DERA: variants seen among roughly 807,000 people sequenced by gnomAD.
DERA encodes 2-deoxy-D-ribose 5-phosphate aldolase.
In DERA, 15 loss-of-function variants were observed where a neutral mutation model predicts 41.1. The ratio of observed to expected loss-of-function variants is 0.37; its 90% confidence interval spans 0.24 to 0.56. The LOEUF is 0.56. Among genes scored for constraint, DERA ranks in the 20% least tolerant of loss-of-function variants. The probability of loss-of-function intolerance (pLI) is 0.81; values close to 1 mark genes in which losing one functional copy is unlikely to be tolerated. For synonymous variants in DERA, 139 were observed against 137.4 expected, an observed-to-expected ratio of 1.01 and a Z score of -0.08; for missense variants, 396 against 403.4, an observed-to-expected ratio of 0.98 and a Z score of 0.16.
intron 2 of DERA, 69 bp from the exon 3 acceptor site, chr12:15,958,119 C>T (rs1565595714): frequency 6.0e-6 from 8 of 1,336,142 alleles, no homozygotes; most frequent in Non-Finnish European, 6.1e-6. Context: ...CTACTAACCA[C>T]CTGGGTTGGA....
intron 5 of DERA, among the ~76,000 whole-genome samples, chr12:15,963,241 T>C (rs1948600467): frequency 6.6e-6 from 1 of 152,174 alleles, no homozygotes; most frequent in Admixed American, 6.5e-5. Flanking sequence ...AACATGCTTT[T>C]TCTTCAGAAG....
Position 15,941,309 on chromosome 12 carries a change from C to G in DERA, c.32-15627C>G, listed in dbSNP as rs1382665325. On this transcript the variant is annotated intron_variant, in intron 1 of 8. Transcript: ENST00000428559. The surrounding 1 kb of genome is among the most constrained non-coding windows in gnomAD (Gnocchi z 4.5). ...ATAGCAAATGGGTATAACAGAGACA[C>G]AACAGTGTTGAATACTTCTCCTACT... 6.6e-6 allele frequency among the ~76,000 whole-genome samples: 1 copy of G among 152,076 alleles called. No homozygotes were observed. The highest frequency in any genetic ancestry group is 6.6e-5 in the Admixed American group (1 of 15,258).
At chr12:15,942,860 T>C (rs1348634933) in intron 1 of DERA, among the ~76,000 whole-genome samples, 1 of 152,198 alleles carries the variant, frequency 6.6e-6, no homozygotes, top group Admixed American at 6.5e-5. Flanking sequence ...TTTTCAACTT[T>C]GTTAAGAAAT....
At position 16,000,947 on chromosome 12, in the gene DERA, G is replaced by C. The variant is rs1261586919; in HGVS notation, c.637+18511G>C. 6.6e-6 allele frequency among the ~76,000 whole-genome samples: 1 copy of C among 152,076 alleles called. No homozygotes were observed. Among genetic ancestry groups the C allele is most frequent in the Non-Finnish European group, 1.5e-5 (1 of 68,020 alleles). ...CTGCATTCTTGTTTTACAGTATTCA[G>C]TATTACAATGCCATTCAAAAATATA... On this transcript the variant is annotated intron_variant, in intron 6 of 8. Transcript: ENST00000428559. The surrounding 1 kb of genome is among the most constrained non-coding windows in gnomAD (Gnocchi z 4.8).
rs1469060896 is a variant in DERA, at chr12:16,012,662, AAATT to A, written c.638-19879_638-19876del. Among the ~76,000 whole-genome samples, 6 of 152,308 alleles carry A rather than the reference AAATT, an allele frequency of 3.9e-5. No individual in the cohort carries two copies. The highest frequency in any genetic ancestry group is 6.5e-5 in the Admixed American group (1 of 15,302). On this transcript the variant is annotated intron_variant, in intron 6 of 8. Transcript: ENST00000428559. This position sits in a 1 kb window ranked among gnomAD's most constrained non-coding sequence, Gnocchi z 4.1. ...GCAGAATTAAGCCTTTTTTCTCAAT[AAATT>A]TTAAACCAACATTTTAAAGATATTG...
intron 5 of DERA, among the ~76,000 whole-genome samples, chr12:15,973,536 A>G (rs1948678120): frequency 6.8e-6 from 1 of 146,960 alleles, no homozygotes; most frequent in Admixed American, 6.9e-5. Flanking sequence ...TAAGCAGAAA[A>G]AATAGTAAGG....
chr12:16,015,921 C>T (rs1331340704), intron 6 of DERA, among the ~76,000 whole-genome samples: 1 of 152,130 alleles, frequency 6.6e-6, no homozygotes, highest in Non-Finnish European at 1.5e-5. Flanking sequence ...AACTCACTTG[C>T]TGTGTTCCTT....
Position 15,981,046 on chromosome 12 carries a change from T to C in DERA, c.509-1262T>C, listed in dbSNP as rs1472129277. Reference sequence around the variant, plus strand: ...CCTCCTGCTTGGTTTACTCTGTATGTTTATAAAACTACTTCCTATGGGCCG... The same window carrying C: ...CCTCCTGCTTGGTTTACTCTGTATGCTTATAAAACTACTTCCTATGGGCCG... On this transcript the variant is annotated intron_variant, in intron 5 of 8. Coordinates refer to ENST00000428559, the MANE Select transcript of DERA (RefSeq NM_015954.4). This position sits in a 1 kb window ranked among gnomAD's most constrained non-coding sequence, Gnocchi z 6.1. 6.6e-6 allele frequency among the ~76,000 whole-genome samples: 1 copy of C among 152,106 alleles called. No individual in the cohort carries two copies. The highest frequency in any genetic ancestry group is 1.5e-5 in the Non-Finnish European group (1 of 68,006).
At chr12:15,923,581 T>C (rs1298655467) in intron 1 of DERA, among the ~76,000 whole-genome samples, 2 of 152,228 alleles carry the variant, frequency 1.3e-5, no homozygotes, top group Non-Finnish European at 2.9e-5. Context: ...ATTTTCTCTT[T>C]CTCTAGATCT....
Position 15,954,458 on chromosome 12 carries a change from C to T in DERA, c.32-2478C>T, listed in dbSNP as rs1948522495. 6.6e-6 allele frequency among the ~76,000 whole-genome samples: 1 copy of T among 152,094 alleles called. No individual in the cohort carries two copies. The highest frequency in any genetic ancestry group is 2.4e-5 in the African/African-American group (1 of 41,434). On this transcript the variant is annotated intron_variant, in intron 1 of 8. Coordinates refer to ENST00000428559, the MANE Select transcript of DERA (RefSeq NM_015954.4). The surrounding 1 kb of genome is among the most constrained non-coding windows in gnomAD (Gnocchi z 4.0). ...CAACCTGTGAGGTTCAGGGAAGGCT[C>T]CCAGAGAAGGTGACATTTGAATCGA...
intron 4 of DERA, among the ~76,000 whole-genome samples, chr12:15,962,432 A>G (rs1377948586): frequency 6.6e-6 from 1 of 152,216 alleles, no homozygotes; most frequent in African/African-American, 2.4e-5. Context: ...TGGACCCAGA[A>G]CTAGTGTGCT....
Position 15,918,473 on chromosome 12 carries a change from G to A in DERA, c.31+7059G>A, listed in dbSNP as rs1167684409. 1.3e-5 allele frequency among the ~76,000 whole-genome samples: 2 copies of A among 152,124 alleles called. No homozygotes were observed. Among genetic ancestry groups the A allele is most frequent in the Non-Finnish European group, 2.9e-5 (2 of 68,022 alleles). ...ATTTCAACCCGGCTTGAATGACTAC[G>A]TTGTTCACCTCCTCTTCAGTGCCCC... is the stretch of plus-strand genomic sequence containing the variant. On this transcript the variant is annotated intron_variant, in intron 1 of 8. Coordinates refer to ENST00000428559, the MANE Select transcript of DERA (RefSeq NM_015954.4). The surrounding 1 kb of genome is among the most constrained non-coding windows in gnomAD (Gnocchi z 4.3).
Position 15,996,986 on chromosome 12 carries a change from A to G in DERA, c.637+14550A>G, listed in dbSNP as rs1310942079. 1.3e-5 allele frequency among the ~76,000 whole-genome samples: 2 copies of G among 152,242 alleles called. No individual in the cohort carries two copies. Among genetic ancestry groups the G allele is most frequent in the African/African-American group, 4.8e-5 (2 of 41,482 alleles). ...AGATAAATTTGCTTATGAGCAAGAGACAGATACTAACAGTAGAAGGAAATA... is the reference window on the plus strand; with the variant it reads ...AGATAAATTTGCTTATGAGCAAGAGGCAGATACTAACAGTAGAAGGAAATA... On this transcript the variant is annotated intron_variant, in intron 6 of 8. Coordinates refer to ENST00000428559, the MANE Select transcript of DERA (RefSeq NM_015954.4). The surrounding 1 kb of genome is among the most constrained non-coding windows in gnomAD (Gnocchi z 4.7).
Position 16,004,754 on chromosome 12 carries a change from A to G in DERA, c.637+22318A>G, listed in dbSNP as rs1948898698. On this transcript the variant is annotated intron_variant, in intron 6 of 8. Transcript: ENST00000428559. This position sits in a 1 kb window ranked among gnomAD's most constrained non-coding sequence, Gnocchi z 4.2. ...AACCAAGGTGGATTATGTTTATTAA[A>G]TGTTTTTAAAAATTTAAAAAAATCC... is the stretch of plus-strand genomic sequence containing the variant. 6.6e-6 allele frequency among the ~76,000 whole-genome samples: 1 copy of G among 152,204 alleles called. No individual in the cohort carries two copies. Among genetic ancestry groups the G allele is most frequent in the East Asian group, 1.9e-4 (1 of 5,194 alleles).
chr12:15,958,185 C>G lies in DERA; in HGVS notation c.130-3C>G. 6.5e-7 allele frequency: 1 copy of G among 1,542,874 alleles called. No homozygotes were observed. Among genetic ancestry groups the G allele is most frequent in the Non-Finnish European group, 8.7e-7 (1 of 1,147,056 alleles). On this transcript the variant is annotated splice_polypyrimidine_tract_variant and splice_region_variant and intron_variant, in intron 2 of 8. Transcript: ENST00000428559. ...ACTTTGTTTTCACTTTTGTTTAAAC[C>G]AGGCTGCTTGGCTCCTGAAAGCTGT...
intron 1 of DERA, among the ~76,000 whole-genome samples, chr12:15,953,603 A>G (rs1948515273): frequency 6.6e-6 from 1 of 152,146 alleles, no homozygotes. Flanking sequence ...TTGCCTTCCA[A>G]TTATGGTTTC....
chr12:16,035,152 G>A lies in DERA; in HGVS notation c.751-1080G>A, dbSNP rs1487477718. On this transcript the variant is annotated intron_variant, in intron 7 of 8. Coordinates refer to ENST00000428559, the MANE Select transcript of DERA (RefSeq NM_015954.4). The surrounding 1 kb of genome is among the most constrained non-coding windows in gnomAD (Gnocchi z 4.1). ...CAGTGGAAAGAGTGCATGTGAGGGG[G>A]TAAGGAAGGTAAGGAGGTAGAATTG... is the stretch of plus-strand genomic sequence containing the variant. Among the ~76,000 whole-genome samples, 1 of 152,204 alleles carries A rather than the reference G, an allele frequency of 6.6e-6. No homozygotes were observed. The highest frequency in any genetic ancestry group is 1.5e-5 in the Non-Finnish European group (1 of 68,044).
At chr12:15,930,816 T>A (rs1948322130) in intron 1 of DERA, among the ~76,000 whole-genome samples, 1 of 151,966 alleles carries the variant, frequency 6.6e-6, no homozygotes, top group African/African-American at 2.4e-5. Flanking sequence ...CTGGGAGAGG[T>A]CTTGTATTAC....
At chr12:15,947,294 G>A (rs11056735) in intron 1 of DERA, among the ~76,000 whole-genome samples, 39,331 of 152,040 alleles carry the variant, frequency 0.26, 5,447 homozygotes, top group Admixed American at 0.35. Flanking sequence ...TCTGTCTAAT[G>A]TTGACAATGG....
Sources: allele counts gnomAD v4.1 joint callset (sites outside exome capture counted in the v4.1 genomes callset), GRCh38; gene constraint gnomAD v4.1.1; non-coding constraint Gnocchi (gnomAD v3.1); transcripts MANE v1.5; gene names NCBI Gene and HGNC (gene_info 2026-07-23, HGNC 2026-07-21).